The following DNAJC15 variants were observed in gnomAD, a reference collection of about 807,000 sequenced individuals.
DNAJC15 encodes DnaJ heat shock protein family (Hsp40) member C15, also known as dnaJ homolog subfamily C member 15.
Under a neutral mutation model 22.4 loss-of-function variants are expected in DNAJC15, and 27 were observed. The ratio of observed to expected loss-of-function variants is 1.20; its 90% CI spans 0.89 to 1.66. The LOEUF (loss-of-function observed/expected upper bound fraction) is 1.66, where lower values mean the gene tolerates loss of function less well. Ranked by LOEUF, DNAJC15 falls within the 40% of genes most tolerant of loss-of-function variation. The probability of loss-of-function intolerance (pLI) is 0.00; values close to 1 mark genes in which losing one functional copy is unlikely to be tolerated. For synonymous variants in DNAJC15, 79 were observed against 63.2 expected (o/e 1.25, Z -1.19); for missense variants, 208 against 187.1 (o/e 1.11, Z -0.65).
At chr13:43,066,686 G>C (rs1489026478) in intron 2 of DNAJC15, among the ~76,000 whole-genome samples, 1 of 152,238 alleles carries the variant, frequency 6.6e-6, no homozygotes, top group South Asian at 2.1e-4. Flanking sequence ...GCAGTGGGGC[G>C]ATCTCTGCTC....
At chr13:43,078,776 C>A in intron 4 of DNAJC15, 88 bp downstream of exon 4, 1 of 1,166,336 alleles carries the variant, frequency 8.6e-7, no homozygotes, top group Non-Finnish European at 1.2e-6. Flanking sequence ...TATACTTAGA[C>A]TTAAAATTAT....
intron 5 of DNAJC15, among the ~76,000 whole-genome samples, chr13:43,100,987 G>C (rs55948889): frequency 6.6e-6 from 1 of 152,010 alleles, no homozygotes; most frequent in Non-Finnish European, 1.5e-5. Context: ...TGATTGGCCC[G>C]TTTTTCATTA....
At chr13:43,051,752 T>C (rs753784499) in intron 1 of DNAJC15, among the ~76,000 whole-genome samples, 11 of 152,158 alleles carry the variant, frequency 7.2e-5, no homozygotes, top group Non-Finnish European at 1.6e-4. Flanking sequence ...GCCATAAACA[T>C]GCATGTGCAG....
intron 3 of DNAJC15, among the ~76,000 whole-genome samples, chr13:43,075,973 T>C (rs1295137892): frequency 1.3e-5 from 2 of 152,162 alleles, no homozygotes; most frequent in Non-Finnish European, 2.9e-5. Flanking sequence ...CTTACTTCTT[T>C]CCATTTGTAT....
At chr13:43,103,199 A>G (rs886812024) in intron 5 of DNAJC15, among the ~76,000 whole-genome samples, 4 of 152,162 alleles carry the variant, frequency 2.6e-5, no homozygotes, top group Non-Finnish European at 5.9e-5. Context: ...GGGATCTTCT[A>G]TATGTGTTTA....
At chr13:43,105,077 C>G (rs1277063176) in intron 5 of DNAJC15, among the ~76,000 whole-genome samples, 2 of 151,354 alleles carry the variant, frequency 1.3e-5, no homozygotes, top group African/African-American at 4.9e-5. Context: ...GATATTATAA[C>G]CAGGAGAGCA....
At chr13:43,084,514 T>C (rs1370053146) in intron 4 of DNAJC15, among the ~76,000 whole-genome samples, 1 of 152,208 alleles carries the variant, frequency 6.6e-6, no homozygotes, top group Non-Finnish European at 1.5e-5. Flanking sequence ...TATGTTGTGG[T>C]TCATCCATGC....
At chr13:43,092,661 A>C (rs575223759) in intron 5 of DNAJC15, among the ~76,000 whole-genome samples, 2 of 152,112 alleles carry the variant, frequency 1.3e-5, no homozygotes, top group Non-Finnish European at 2.9e-5. Flanking sequence ...TTAAAAGACC[A>C]TTTATTTTGG....
intron 1 of DNAJC15, among the ~76,000 whole-genome samples, chr13:43,044,497 G>A (rs557323149): frequency 6.6e-6 from 1 of 152,206 alleles, no homozygotes; most frequent in South Asian, 2.1e-4. Flanking sequence ...TGCAGCAAAA[G>A]GCAGTTAGTG....
At chr13:43,057,954 C>G (rs78885955) in intron 1 of DNAJC15, among the ~76,000 whole-genome samples, 1,533 of 152,232 alleles carry the variant, frequency 0.01, 10 homozygotes, top group Admixed American at 0.018. Flanking sequence ...CAGATGTGAT[C>G]TGTGTTTGAG....
rs184341523 is a variant in DNAJC15 at position 43,057,466 on chromosome 13, A to G, written c.109-8220A>G. ...CAGAAGTTGTGATTGTTTTTTCTTT[A>G]TGGTATCTATTTCTCTGGATATTTT... is the stretch of plus-strand genomic sequence containing the variant. On this transcript the variant is annotated intron_variant, in intron 1 of 5. Transcript: ENST00000379221. Among the ~76,000 whole-genome samples the G allele has an allele frequency of 5.2e-3, 790 of 151,770 alleles. 2 individuals carry two copies. Among genetic ancestry groups the G allele is most frequent in the Non-Finnish European group, 9.2e-3 (627 of 67,902 alleles).
chr13:43,092,851 C>CA (rs2040721873), intron 5 of DNAJC15, among the ~76,000 whole-genome samples: 1 of 152,132 alleles, frequency 6.6e-6, no homozygotes, highest in East Asian at 1.9e-4. Context: ...GAGATGGAGG[C>CA]TACGGTGAGC....
At chr13:43,053,829 T>C (rs922587250) in intron 1 of DNAJC15, among the ~76,000 whole-genome samples, 6 of 152,134 alleles carry the variant, frequency 3.9e-5, no homozygotes, top group African/African-American at 1.4e-4. Flanking sequence ...GTCTTCAGGG[T>C]TTTCTGGTAT....
chr13:43,041,838 C>A (rs1422955225), intron 1 of DNAJC15, among the ~76,000 whole-genome samples: 3 of 152,168 alleles, frequency 2.0e-5, no homozygotes, highest in African/African-American at 7.2e-5. Context: ...ATGCTATATA[C>A]CGGGAATACA....
intron 5 of DNAJC15, among the ~76,000 whole-genome samples, chr13:43,103,275 G>GT (rs2040780174): frequency 2.0e-5 from 3 of 152,008 alleles, no homozygotes; most frequent in Non-Finnish European, 1.5e-5. Flanking sequence ...GGAGGACTTT[G>GT]TTTTTTTCTC....
chr13:43,083,167 CTTTT>C (rs1363953363), intron 4 of DNAJC15, among the ~76,000 whole-genome samples: 3 of 151,378 alleles, frequency 2.0e-5, no homozygotes, highest in Non-Finnish European at 4.4e-5. Context: ...ATCCTAATTT[CTTTT>C]TTTTGTTTTT....
At chr13:43,091,889 G>T (rs1322460935) in intron 5 of DNAJC15, among the ~76,000 whole-genome samples, 3 of 152,134 alleles carry the variant, frequency 2.0e-5, no homozygotes, top group African/African-American at 4.8e-5. Context: ...CATTTGGGAA[G>T]AGAACATACT....
intron 1 of DNAJC15, among the ~76,000 whole-genome samples, chr13:43,062,456 A>G (rs1566207462): frequency 6.6e-6 from 1 of 152,222 alleles, no homozygotes; most frequent in African/African-American, 2.4e-5. Flanking sequence ...GGCAGATAAA[A>G]CTAGAAAATG....
At chr13:43,099,113 TTTG>T (rs1339905604) in intron 5 of DNAJC15, among the ~76,000 whole-genome samples, 1 of 152,008 alleles carries the variant, frequency 6.6e-6, no homozygotes. Context: ...TTGGACTTCT[TTTG>T]TTAAGTTTAT....
Sources: allele counts gnomAD v4.1 joint callset (sites outside exome capture counted in the v4.1 genomes callset), GRCh38; gene constraint gnomAD v4.1.1; transcripts MANE v1.5; gene names NCBI Gene and HGNC (gene_info 2026-07-23, HGNC 2026-07-21).